The following CLCN5 variants were observed in gnomAD, a reference collection of about 807,000 sequenced individuals.
The protein encoded by CLCN5 is Cl-/H+ antiporter 5, also known as H(+)/Cl(-) exchange transporter 5.
CLCN5 carries 17 observed loss-of-function variants against 54.0 expected under a neutral mutation model. That is an observed-to-expected ratio of 0.31 (90% CI 0.22 to 0.47). The LOEUF (loss-of-function observed/expected upper bound fraction) is 0.47. Ranked by LOEUF, CLCN5 falls within the 20% of genes least tolerant of loss-of-function variation. The pLI, the probability that CLCN5 is intolerant of heterozygous loss-of-function variation, is 1.00. For synonymous variants in CLCN5, 222 were observed against 233.0 expected, an observed-to-expected ratio of 0.95 and a Z score of 0.43; for missense variants, 448 against 646.7, an observed-to-expected ratio of 0.69 and a Z score of 3.33.
At chrX:50,005,331 G>A (rs1930100102) in intron 3 of CLCN5, among the ~76,000 whole-genome samples, 1 of 111,700 alleles carries the variant, frequency 9.0e-6, no homozygotes, top group African/African-American at 3.3e-5. Context: ...ATCTTTCTGT[G>A]ATGTTAGTTG....
chrX:49,992,016 C>CA (rs1390070972), intron 3 of CLCN5, among the ~76,000 whole-genome samples: 3 of 111,428 alleles, frequency 2.7e-5, no homozygotes, highest in African/African-American at 9.8e-5. Context: ...CAAATTCTGA[C>CA]AACAGCCCAA....
Position 49,922,754 on chromosome X carries a change from G to A in CLCN5, c.-243G>A, listed in dbSNP as rs1557167356. The A allele has an allele frequency of 8.8e-6, 1 of 113,189 alleles. No homozygotes were observed. Among genetic ancestry groups the A allele is most frequent in the Non-Finnish European group, 1.9e-5 (1 of 53,338 alleles). The allele number at this position is 113,189 out of a possible 1,213,427, so 9.3% of individuals were successfully genotyped here. On this transcript the variant is annotated 5_prime_UTR_variant, in exon 1 of 15. Coordinates refer to ENST00000376091, the MANE Select transcript of CLCN5 (RefSeq NM_001127898.4). ...CCGACCGAGCGCGCTGCCCACCGGCGGCGGACACGGGCTCCGCCGCTCCGG... is the reference window on the plus strand; with the variant it reads ...CCGACCGAGCGCGCTGCCCACCGGCAGCGGACACGGGCTCCGCCGCTCCGG...
chrX:50,033,124 C>G (rs1931802817), intron 3 of CLCN5, among the ~76,000 whole-genome samples: 3 of 111,275 alleles, frequency 2.7e-5, no homozygotes, highest in Non-Finnish European at 3.8e-5. Context: ...GGGATGCCCT[C>G]TCTCACCACT....
intron 4 of CLCN5, among the ~76,000 whole-genome samples, chrX:50,063,744 G>A (rs1445535511): frequency 9.1e-6 from 1 of 110,082 alleles, no homozygotes; most frequent in Non-Finnish European, 1.9e-5. Context: ...GATGAACATC[G>A]ATGCAAAAAT....
chrX:49,985,898 C>T (rs1399567869), intron 3 of CLCN5, among the ~76,000 whole-genome samples: 1 of 111,554 alleles, frequency 9.0e-6, no homozygotes, highest in Non-Finnish European at 1.9e-5. Flanking sequence ...ATATTTAATA[C>T]ATAAAATTTA....
chrX:49,969,725 G>A (rs1601994342), intron 3 of CLCN5, among the ~76,000 whole-genome samples: 2 of 112,244 alleles, frequency 1.8e-5, no homozygotes, highest in Non-Finnish European at 3.8e-5. Context: ...GCACTTGAAA[G>A]TAACGTGGCT....
Position 50,094,387 on chromosome X carries a change from TC to T in CLCN5, c.*2169del, listed in dbSNP as rs1557195262. On this transcript the variant is annotated 3_prime_UTR_variant, in exon 15 of 15. Coordinates refer to ENST00000376091, the MANE Select transcript of CLCN5 (RefSeq NM_001127898.4). ...CTGTATATTGTGTAGAAATCAAAGT[TC>T]TTATCTGTACATTTCTGGTCCAATA... is the stretch of plus-strand genomic sequence containing the variant. 1 of 111,979 alleles carries T rather than the reference TC, an allele frequency of 8.9e-6. No homozygotes were observed. 9.2% of individuals were successfully genotyped at this position (111,979 alleles called of 1,213,427 possible).
chrX:50,070,260 A>T lies in CLCN5; in HGVS notation c.315+230A>T, dbSNP rs537703043. On this transcript the variant is annotated intron_variant, in intron 5 of 14. Coordinates refer to ENST00000376091, the MANE Select transcript of CLCN5 (RefSeq NM_001127898.4). ...CATGTGCACAACGTGCAGGTTTGTT[A>T]CATATGTATACATGTGCCATGTTGG... 3.6e-5 allele frequency among the ~76,000 whole-genome samples: 4 copies of T among 112,619 alleles called. No homozygotes were observed. In the South Asian group the frequency reaches 1.1e-3, roughly 31 times the overall value.
intron 4 of CLCN5, chrX:50,069,541 C>G: frequency 1.3e-6 from 1 of 780,673 alleles, no homozygotes; most frequent in Non-Finnish European, 1.5e-6. Context: ...CCTTTTGTCT[C>G]CCTTCCATAA....
At chrX:50,084,282 A>G (rs1395816282) in intron 9 of CLCN5, among the ~76,000 whole-genome samples, 2 of 112,540 alleles carry the variant, frequency 1.8e-5, no homozygotes, top group Admixed American at 9.4e-5. Flanking sequence ...TAAAAATATA[A>G]TATAATTTTA....
chrX:50,037,908 G>A (rs192049282), intron 3 of CLCN5, among the ~76,000 whole-genome samples: 1 of 111,470 alleles, frequency 9.0e-6, no homozygotes, highest in African/African-American at 3.3e-5. Flanking sequence ...CCATTGGGGA[G>A]CAGCAACCCG....
intron 3 of CLCN5, among the ~76,000 whole-genome samples, chrX:49,947,694 T>C (rs1402193085): frequency 9.0e-6 from 1 of 111,465 alleles, no homozygotes; most frequent in Non-Finnish European, 1.9e-5. Flanking sequence ...CCTCTTTTCT[T>C]CTGGTTTCTT....
intron 3 of CLCN5, among the ~76,000 whole-genome samples, chrX:50,018,723 C>A (rs782564125): frequency 8.9e-6 from 1 of 112,144 alleles, no homozygotes; most frequent in East Asian, 2.8e-4. Flanking sequence ...TGTGATTTTT[C>A]TTCTTAAGCC....
intron 3 of CLCN5, among the ~76,000 whole-genome samples, chrX:49,946,737 G>A (rs1242098825): frequency 3.6e-5 from 4 of 111,619 alleles, no homozygotes; most frequent in African/African-American, 1.3e-4. Flanking sequence ...GGAGGTGGGC[G>A]TCATTGGGGG....
chrX:50,074,283 G>C (rs1187329240), intron 6 of CLCN5, among the ~76,000 whole-genome samples: 1 of 111,736 alleles, frequency 8.9e-6, no homozygotes, highest in Non-Finnish European at 1.9e-5. Flanking sequence ...AAGGGTAAAG[G>C]CTTGAAATGA....
chrX:49,974,790 G>A (rs782230533), intron 3 of CLCN5, among the ~76,000 whole-genome samples: 22 of 112,038 alleles, frequency 2.0e-4, no homozygotes, highest in African/African-American at 7.1e-4. Flanking sequence ...CCAAGATTTT[G>A]ATGAGCCTGT....
chrX:50,081,844 A>G lies in CLCN5; in HGVS notation c.930A>G (p.Arg310=), dbSNP rs1933715654. Reference sequence around the variant, plus strand: ...ACAGGAAGAATGAAGCCAAGCGCAGAGAGGTAATAATGAATGGCCTTAATA... The same window carrying G: ...ACAGGAAGAATGAAGCCAAGCGCAGGGAGGTAATAATGAATGGCCTTAATA... ...NKYRKNEAKR[R]EVLSAAAAAG... Residue 310 remains arginine (R), a synonymous_variant, in exon 9 of 15, where the codon AGA becomes AGG. Transcript: ENST00000376091. 3 of 1,201,552 alleles carry G rather than the reference A, an allele frequency of 2.5e-6. No individual in the cohort carries two copies. In the African/African-American group the frequency reaches 5.3e-5, roughly 21 times the overall value.
At chrX:50,082,542 C>T (rs781960864) in intron 9 of CLCN5, among the ~76,000 whole-genome samples, 6 of 110,322 alleles carry the variant, frequency 5.4e-5, no homozygotes, top group Non-Finnish European at 1.1e-4. Flanking sequence ...CGAACTCCTG[C>T]GCTCAAGCAA....
In CLCN5 at chrX:49,955,696, T is replaced by A. The variant is rs150495834; in HGVS notation, c.16+30382T>A. On this transcript the variant is annotated intron_variant, in intron 3 of 14. Transcript: ENST00000376091. ...TAAACTGACTTTCAACATGGCACGATTCTTTCTTTTTTTAATATTTAATGA... is the reference window on the plus strand; with the variant it reads ...TAAACTGACTTTCAACATGGCACGAATCTTTCTTTTTTTAATATTTAATGA... 4.0e-3 allele frequency among the ~76,000 whole-genome samples: 451 copies of A among 111,872 alleles called. 7 individuals carry two copies. Among genetic ancestry groups the A allele is most frequent in the African/African-American group, 0.014 (424 of 30,795 alleles).
Sources: gnomAD v4.1 joint callset for allele counts (sites outside exome capture counted in the v4.1 genomes callset) on GRCh38, gnomAD v4.1.1 for gene constraint, MANE v1.5 for transcripts, NCBI Gene and HGNC (gene_info 2026-07-23, HGNC 2026-07-21) for gene names.